Variants in USH2A observed in about 807,000 individuals in gnomAD.
The protein encoded by USH2A is usherin.
A neutral mutation model predicts 538.9 loss-of-function variants in USH2A; 443 were observed. The ratio of observed to expected loss-of-function variants is 0.82; its 90% CI spans 0.76 to 0.89. USH2A has a LOEUF of 0.89. Among genes scored for constraint, USH2A ranks in the 40% least tolerant of loss-of-function variants. USH2A has a pLI of 0.00. For missense variants in USH2A, 6,633 were observed against 6,324.8 expected (o/e 1.05, Z -1.65); for synonymous variants, 2,413 against 2,273.5 (o/e 1.06, Z -1.75).
At chr1:216,090,431 T>TG (rs1164917281) in intron 22 of USH2A, among the ~76,000 whole-genome samples, 1 of 94,492 alleles carries the variant, frequency 1.1e-5, no homozygotes. Context: ...GTTACCAAAG[T>TG]AAAAAAAAAA....
chr1:215,814,670 C>T lies in USH2A; in HGVS notation c.9571-766G>A, dbSNP rs149831871. ...AGGTCCTTGCTTCCCCTTCACCTTC[C>T]GCCATGATTGTAAGTTTCCTGAGGC... On this transcript the variant is annotated intron_variant, in intron 48 of 71. Transcript: ENST00000307340. Among the ~76,000 whole-genome samples the T allele has an allele frequency of 5.4e-3, 816 of 152,152 alleles. 6 individuals carry two copies. Among genetic ancestry groups the T allele is most frequent in the African/African-American group, 0.018 (754 of 41,534 alleles).
intron 35 of USH2A, among the ~76,000 whole-genome samples, chr1:215,988,656 T>C (rs1667936617): frequency 6.6e-6 from 1 of 152,216 alleles, no homozygotes; most frequent in African/African-American, 2.4e-5. Context: ...CTCCACATCC[T>C]TTCCAGAACA....
chr1:216,002,836 A>AT, intron 32 of USH2A, among the ~76,000 whole-genome samples: 1 of 152,292 alleles, frequency 6.6e-6, no homozygotes, highest in Admixed American at 6.5e-5. Context: ...ACAGACTTGC[A>AT]TATCTGGAAC....
At chr1:216,106,540 C>G (rs889176208) in intron 21 of USH2A, among the ~76,000 whole-genome samples, 3 of 150,538 alleles carry the variant, frequency 2.0e-5, no homozygotes, top group Admixed American at 6.6e-5. Flanking sequence ...ATATTTTTTT[C>G]TCTCTCTTCC....
chr1:215,708,674 C>A lies in USH2A; in HGVS notation c.12066+19356G>T, dbSNP rs147997174. 7.7e-3 allele frequency among the ~76,000 whole-genome samples: 1,179 copies of A among 152,226 alleles called. 10 individuals carry two copies. The highest frequency in any genetic ancestry group is 0.012 in the Non-Finnish European group (831 of 68,012). On this transcript the variant is annotated intron_variant, in intron 61 of 71. Coordinates refer to ENST00000307340, the MANE Select transcript of USH2A (RefSeq NM_206933.4). ...ATAATAGGGTTTGCTATGTGAGAAG[C>A]AATTGCCACAGCTGATCTGTGGAGC...
At chr1:216,223,870 T>G (rs911925732) in intron 14 of USH2A, among the ~76,000 whole-genome samples, 1 of 152,210 alleles carries the variant, frequency 6.6e-6, no homozygotes, top group Non-Finnish European at 1.5e-5. Context: ...GATAAAGGCC[T>G]GTGAAAAGAT....
At chr1:215,891,140 A>G (rs767357154) in intron 40 of USH2A, among the ~76,000 whole-genome samples, 6 of 152,164 alleles carry the variant, frequency 3.9e-5, no homozygotes, top group Non-Finnish European at 7.3e-5. Flanking sequence ...TGATAATGAG[A>G]TGAACTTGCA....
intron 11 of USH2A, among the ~76,000 whole-genome samples, chr1:216,288,243 A>G (rs2036926488): frequency 6.6e-6 from 1 of 152,168 alleles, no homozygotes; most frequent in Admixed American, 6.5e-5. Context: ...CTGTAGTATG[A>G]CTTTCTGAGA....
In USH2A at chr1:216,145,865, G is replaced by A. The variant is rs985246968; in HGVS notation, c.4627+29387C>T. Among the ~76,000 whole-genome samples the A allele has an allele frequency of 1.9e-4, 29 of 151,076 alleles. No individual in the cohort carries two copies. The Middle Eastern group carries it at 0.01, about 54-fold the overall frequency. ...CACCTTGCAACCCCCACTCCTACCT[G>A]CCAGAGAACAAACCCCCTTTGACTG... On this transcript the variant is annotated intron_variant, in intron 21 of 71. Coordinates refer to ENST00000307340, the MANE Select transcript of USH2A (RefSeq NM_206933.4).
intron 28 of USH2A, 26 bp downstream of exon 28, chr1:216,073,071 T>C: frequency 6.2e-7 from 1 of 1,613,710 alleles, no homozygotes; most frequent in Non-Finnish European, 8.5e-7. Context: ...ACATGTAACA[T>C]TTAATTTAGA....
intron 37 of USH2A, among the ~76,000 whole-genome samples, chr1:215,942,260 C>T (rs995749538): frequency 1.3e-5 from 2 of 152,100 alleles, no homozygotes; most frequent in African/African-American, 4.8e-5. Context: ...ATGGGCCTCC[C>T]CAGTGTGACC....
chr1:216,299,032 C>T (rs1438086666), intron 9 of USH2A, among the ~76,000 whole-genome samples: 4 of 151,866 alleles, frequency 2.6e-5, no homozygotes, highest in South Asian at 4.2e-4. Flanking sequence ...TTAGTAGAGA[C>T]GGGGTTTCAC....
chr1:216,010,753 C>G (rs541470374), intron 32 of USH2A, among the ~76,000 whole-genome samples: 139 of 151,860 alleles, frequency 9.2e-4, no homozygotes, highest in Middle Eastern at 6.8e-3. Flanking sequence ...GCCCAGTTCC[C>G]TTATTAGGCT....
intron 11 of USH2A, among the ~76,000 whole-genome samples, chr1:216,279,823 T>C (rs1181314920): frequency 6.6e-6 from 1 of 152,068 alleles, no homozygotes; most frequent in Non-Finnish European, 1.5e-5. Flanking sequence ...GCATTCTACA[T>C]GAGTCAGGCC....
intron 5 of USH2A, 64 bp from the exon 6 acceptor site, chr1:216,325,663 T>A (rs2037718931): frequency 6.0e-6 from 9 of 1,496,546 alleles, no homozygotes; most frequent in South Asian, 2.4e-5. Context: ...CTTCTAGGAG[T>A]CGTTACAAAT....
chr1:215,711,009 C>A (rs959490223), intron 61 of USH2A, among the ~76,000 whole-genome samples: 5 of 151,882 alleles, frequency 3.3e-5, no homozygotes, highest in Non-Finnish European at 5.9e-5. Flanking sequence ...AGTTTAACAT[C>A]CCTCAAGCCC....
chr1:216,163,570 C>A (rs1352617889), intron 21 of USH2A, among the ~76,000 whole-genome samples: 1 of 151,914 alleles, frequency 6.6e-6, no homozygotes, highest in Non-Finnish European at 1.5e-5. Flanking sequence ...GAAAAAATTG[C>A]ACACTCTGGG....
intron 20 of USH2A, among the ~76,000 whole-genome samples, chr1:216,177,457 C>T (rs772665173): frequency 6.6e-6 from 1 of 152,150 alleles, no homozygotes; most frequent in Non-Finnish European, 1.5e-5. Flanking sequence ...GAATGTTAAA[C>T]AGAGCATCAG....
At chr1:215,915,794 C>T (rs1665938002) in intron 38 of USH2A, among the ~76,000 whole-genome samples, 1 of 151,522 alleles carries the variant, frequency 6.6e-6, no homozygotes, top group Non-Finnish European at 1.5e-5. Context: ...ACCCAAATGT[C>T]CAACAATGAT....
Sources: gnomAD v4.1 joint callset for allele counts (sites outside exome capture counted in the v4.1 genomes callset) on GRCh38, gnomAD v4.1.1 for gene constraint, MANE v1.5 for transcripts, NCBI Gene and HGNC (gene_info 2026-07-23, HGNC 2026-07-21) for gene names.